GRHPR: variants seen among roughly 807,000 people sequenced by gnomAD.
The protein encoded by GRHPR is glyoxylate reductase/hydroxypyruvate reductase.
GRHPR carries 35 observed loss-of-function variants against 36.8 expected under a neutral mutation model. That is an observed-to-expected ratio of 0.95 (90% CI 0.73 to 1.26). GRHPR has a LOEUF of 1.26. Among genes scored for constraint, GRHPR ranks in the 50% most tolerant of loss-of-function variants. The pLI is 0.00. For missense variants in GRHPR, 380 were observed against 435.0 expected, an observed-to-expected ratio of 0.87 and a Z score of 1.12; for synonymous variants, 179 against 181.0, an observed-to-expected ratio of 0.99 and a Z score of 0.09.
intron 5 of GRHPR, 27 bp from the exon 6 acceptor site, chr9:37,429,705 A>G (rs1187984689): frequency 2.7e-6 from 4 of 1,471,930 alleles, no homozygotes; most frequent in Admixed American, 3.3e-5. Flanking sequence ...GGGACTGGGA[A>G]CGAGACATGG....
chr9:37,424,773 G>A (rs1037130692), intron 1 of GRHPR, 72 bp from the exon 2 acceptor site: 6 of 1,568,172 alleles, frequency 3.8e-6, no homozygotes, highest in Non-Finnish European at 5.2e-6. Context: ...CAGAGGCCAG[G>A]ATTCCCAGCT....
In GRHPR at chr9:37,428,601, C is replaced by T. The variant is rs369699672; in HGVS notation, c.493+29C>T. On this transcript the variant is annotated intron_variant, in intron 5 of 8. Transcript: ENST00000318158. ...AGGCTCCCACCGGCCCGCTTGCCCGCCCCGGCTCTCACAGCGTGGTTTGCA... is the reference window on the plus strand; with the variant it reads ...AGGCTCCCACCGGCCCGCTTGCCCGTCCCGGCTCTCACAGCGTGGTTTGCA... The T allele has an allele frequency of 6.2e-6, 9 of 1,455,956 alleles. No homozygotes were observed. The African/African-American group carries it at 8.3e-5, about 13-fold the overall frequency. 90.2% of individuals were successfully genotyped at this position (1,455,956 alleles called of 1,614,324 possible). A position where few individuals can be genotyped will look rare whatever the true frequency, so the allele number is the denominator to read the frequency against.
intron 8 of GRHPR, among the ~76,000 whole-genome samples, chr9:37,435,773 T>C (rs370904712): frequency 1.8e-4 from 28 of 152,290 alleles, no homozygotes; most frequent in East Asian, 9.6e-4. Flanking sequence ...GGAAACATGA[T>C]TTCTACCTGG....
chr9:37,422,523 CCA>C (rs869270029), upstream of GRHPR: 246 of 552,286 alleles, frequency 4.5e-4, 6 homozygotes, highest in South Asian at 6.7e-4. Context: ...GCGCACCCCC[CCA>C]CACACACACA....
At chr9:37,432,348 T>C in intron 8 of GRHPR, 1 of 556,300 alleles carries the variant, frequency 1.8e-6, no homozygotes, top group Non-Finnish European at 3.3e-6. Context: ...TCTCTGTCCC[T>C]AAAGGAACAG....
chr9:37,437,390 C>G (rs1397837252), downstream of GRHPR, among the ~76,000 whole-genome samples: 2 of 152,194 alleles, frequency 1.3e-5, no homozygotes, highest in Non-Finnish European at 2.9e-5. Context: ...AACCACCTTA[C>G]CCCTCATCTT....
Position 37,436,793 on chromosome 9 carries a change from G to C in GRHPR, c.*11G>C. On this transcript the variant is annotated 3_prime_UTR_variant, in exon 9 of 9. Coordinates refer to ENST00000318158, the MANE Select transcript of GRHPR (RefSeq NM_012203.2). Reference sequence around the variant, plus strand: ...GAACTCAAGCTGTAGCCAAACAGTAGAGATGGAGGGCCGGGAAGCAAACCG... The same window carrying C: ...GAACTCAAGCTGTAGCCAAACAGTACAGATGGAGGGCCGGGAAGCAAACCG... 1 of 1,613,984 alleles carries C rather than the reference G, an allele frequency of 6.2e-7. No homozygotes were observed. The highest frequency in any genetic ancestry group is 1.1e-5 in the South Asian group (1 of 91,072).
At chr9:37,426,033 G>C (rs1823061389) in intron 3 of GRHPR, 39 bp downstream of exon 3, 1 of 1,354,530 alleles carries the variant, frequency 7.4e-7, no homozygotes, top group Non-Finnish European at 1.1e-6. Context: ...CCTAGAGAGA[G>C]GGGTGGCTAT....
downstream of GRHPR, chr9:37,438,152 A>C (rs1820524035): frequency 6.6e-6 from 1 of 152,626 alleles, no homozygotes; most frequent in South Asian, 2.1e-4. Context: ...CTCAAGTTGT[A>C]ACCAGCATAG....
intron 5 of GRHPR, 191 bp downstream of exon 5, chr9:37,428,763 C>A (rs925796156): frequency 2.9e-6 from 2 of 695,614 alleles, no homozygotes; most frequent in Admixed American, 2.0e-5. Context: ...AAGCAGGATT[C>A]CTTAAGAACT....
intron 4 of GRHPR, among the ~76,000 whole-genome samples, chr9:37,426,855 GCAGGAGAATCATGTGAACC>G (rs1446711894): frequency 2.0e-5 from 3 of 151,990 alleles, no homozygotes; most frequent in Admixed American, 6.6e-5. Context: ...GGAGGCTGAG[GCAGGAGAATCATGTGAACC>G]CAGGAGACAG....
chr9:37,429,657 C>A (rs539810600), intron 5 of GRHPR, 75 bp from the exon 6 acceptor site: 4 of 965,604 alleles, frequency 4.1e-6, no homozygotes, highest in South Asian at 2.6e-5. Flanking sequence ...CTGAGGGCCG[C>A]TGTTCCAGAA....
In GRHPR at chr9:37,429,843, G is replaced by T; in HGVS notation, c.598+7G>T. The T allele has an allele frequency of 6.7e-7, 1 of 1,498,936 alleles. No individual in the cohort carries two copies. The highest frequency in any genetic ancestry group is 9.3e-7 in the Non-Finnish European group (1 of 1,074,642). 92.9% of individuals were successfully genotyped at this position (1,498,936 alleles called of 1,614,324 possible). On this transcript the variant is annotated splice_region_variant and intron_variant, in intron 6 of 8. Coordinates refer to ENST00000318158, the MANE Select transcript of GRHPR (RefSeq NM_012203.2). ...GAATTCCAGGCAGAGTTTGGTAAGT[G>T]AAGCCTTGATTTCCACAGGAGCCTA...
chr9:37,439,021 A>G (rs995224144), downstream of GRHPR: 1 of 152,256 alleles, frequency 6.6e-6, no homozygotes, highest in African/African-American at 2.4e-5. Flanking sequence ...TCTAAACACA[A>G]AAACTGAATA....
At chr9:37,433,517 A>C (rs939587393) in intron 8 of GRHPR, among the ~76,000 whole-genome samples, 1 of 152,072 alleles carries the variant, frequency 6.6e-6, no homozygotes, top group Admixed American at 6.5e-5. Flanking sequence ...TACAGGCATG[A>C]GTGTCCGGCC....
At chr9:37,427,829 C>A (rs1204246257) in intron 4 of GRHPR, 1 of 152,326 alleles carries the variant, frequency 6.6e-6, no homozygotes, top group East Asian at 1.9e-4. Flanking sequence ...CACAGCAAGA[C>A]CCTGTCTCCA....
intron 8 of GRHPR, chr9:37,434,717 CA>C (rs1823553547): frequency 6.4e-6 from 1 of 155,104 alleles, no homozygotes; most frequent in African/African-American, 2.4e-5. Context: ...TACGAAATAA[CA>C]TATTTTGATG....
intron 8 of GRHPR, chr9:37,434,723 T>G (rs938238527): frequency 6.5e-6 from 1 of 154,584 alleles, no homozygotes; most frequent in African/African-American, 2.4e-5. Flanking sequence ...ATAACATATT[T>G]TGATGATCGG....
At chr9:37,433,792 G>A in intron 8 of GRHPR, 1 of 351,858 alleles carries the variant, frequency 2.8e-6, no homozygotes, top group Non-Finnish European at 5.1e-6. Flanking sequence ...CAGGTAGCTG[G>A]TGGAGTTTAT....
Sources: allele counts gnomAD v4.1 joint callset (sites outside exome capture counted in the v4.1 genomes callset), GRCh38; gene constraint gnomAD v4.1.1; transcripts MANE v1.5; gene names NCBI Gene and HGNC (gene_info 2026-07-23, HGNC 2026-07-21).